Variants in DCC observed in about 807,000 individuals in gnomAD.
The protein encoded by DCC is DCC netrin 1 receptor.
Under a neutral mutation model 172.5 loss-of-function variants are expected in DCC, and 58 were observed. The observed-to-expected ratio is 0.34, with a 90% CI of 0.27 to 0.42. The LOEUF is 0.42. DCC is among the 10% of genes least tolerant of loss of function. The pLI is 1.00. For missense variants in DCC, 1,740 were observed against 1,791.0 expected (o/e 0.97, Z 0.51); for synonymous variants, 709 against 644.5 (o/e 1.10, Z -1.52).
chr18:53,135,389 TAAG>T (rs1044355020), intron 7 of DCC, among the ~76,000 whole-genome samples: 3 of 152,110 alleles, frequency 2.0e-5, no homozygotes, highest in African/African-American at 7.2e-5. Context: ...TTAAGGATAA[TAAG>T]GGAAAGAATG....
At chr18:52,816,854 TTTTA>T (rs2038309753) in intron 2 of DCC, 1 of 152,322 alleles carries the variant, frequency 6.6e-6, no homozygotes, top group African/African-American at 2.4e-5. Context: ...AATGAAAAGA[TTTTA>T]TTTAATTAAA....
intron 7 of DCC, among the ~76,000 whole-genome samples, chr18:53,125,857 T>C (rs1333192339): frequency 6.6e-6 from 1 of 152,124 alleles, no homozygotes; most frequent in Admixed American, 6.6e-5. Flanking sequence ...ATGGAGTTTG[T>C]GGATAATCTT....
At chr18:53,336,760 C>T (rs906906024) in intron 14 of DCC, among the ~76,000 whole-genome samples, 1 of 152,164 alleles carries the variant, frequency 6.6e-6, no homozygotes, top group Admixed American at 6.6e-5. Flanking sequence ...CCTGTAGTCC[C>T]AGCTACTAGG....
rs1384926114 is a variant in DCC, at chr18:52,862,109, A to C, written c.413-43935A>C. On this transcript the variant is annotated intron_variant, in intron 2 of 28. Transcript: ENST00000442544. The stretch of plus-strand genomic sequence containing the variant: ...AACACATTAATAACATGTTTATAGA[A>C]ATATAACTTGAATAAAGTTAACTCC... Among the ~76,000 whole-genome samples, 3 of 151,938 alleles carry C rather than the reference A, an allele frequency of 2.0e-5. No individual in the cohort carries two copies. In the East Asian group the frequency reaches 5.8e-4, roughly 29 times the overall value.
intron 19 of DCC, among the ~76,000 whole-genome samples, chr18:53,408,307 C>A (rs185876090): frequency 2.0e-5 from 3 of 152,270 alleles, no homozygotes; most frequent in Admixed American, 6.5e-5. Flanking sequence ...GGGTCTCTTA[C>A]AAGGCTGCAA....
intron 2 of DCC, among the ~76,000 whole-genome samples, chr18:52,904,426 G>A (rs1290180188): frequency 6.6e-6 from 1 of 152,194 alleles, no homozygotes; most frequent in Non-Finnish European, 1.5e-5. Context: ...CTTAGGGAGG[G>A]AAAGTGAAAT....
At position 52,461,978 on chromosome 18, in the gene DCC, T is replaced by C. The variant is rs148759563; in HGVS notation, c.91+121100T>C. Reference sequence around the variant, plus strand: ...TAACCTTCTCTGAGTTGGAGGAAACTCAGTCCTTTCAATTGCTTAGGGCAA... The same window carrying C: ...TAACCTTCTCTGAGTTGGAGGAAACCCAGTCCTTTCAATTGCTTAGGGCAA... On this transcript the variant is annotated intron_variant, in intron 1 of 28. Coordinates refer to ENST00000442544, the MANE Select transcript of DCC (RefSeq NM_005215.4). Among the ~76,000 whole-genome samples the C allele has an allele frequency of 3.3e-3, 498 of 152,308 alleles. 1 individual carries two copies. The highest frequency in any genetic ancestry group is 5.5e-3 in the Non-Finnish European group (377 of 68,030).
At chr18:53,000,301 A>C (rs1392919695) in intron 5 of DCC, among the ~76,000 whole-genome samples, 5 of 152,108 alleles carry the variant, frequency 3.3e-5, no homozygotes, top group Non-Finnish European at 5.9e-5. Flanking sequence ...ATCATATAGT[A>C]AGCGGTGCCC....
At chr18:53,010,367 G>T (rs2041709985) in intron 5 of DCC, among the ~76,000 whole-genome samples, 1 of 151,470 alleles carries the variant, frequency 6.6e-6, no homozygotes, top group South Asian at 2.1e-4. Flanking sequence ...CATTAGTCAA[G>T]ATAATTAATT....
intron 7 of DCC, among the ~76,000 whole-genome samples, chr18:53,122,129 T>A (rs1248742184): frequency 1.3e-5 from 2 of 152,024 alleles, no homozygotes; most frequent in Non-Finnish European, 2.9e-5. Flanking sequence ...TGACTGATTT[T>A]AAAATTTTCA....
chr18:52,391,073 T>C (rs1335162814), intron 1 of DCC, among the ~76,000 whole-genome samples: 1 of 152,122 alleles, frequency 6.6e-6, no homozygotes, highest in Non-Finnish European at 1.5e-5. Flanking sequence ...TCTACATTCA[T>C]GTATGCTGTC....
At chr18:52,847,831 A>G (rs543257982) in intron 2 of DCC, among the ~76,000 whole-genome samples, 1 of 152,294 alleles carries the variant, frequency 6.6e-6, no homozygotes, top group South Asian at 2.1e-4. Context: ...TAACTTAAGG[A>G]TTTATTAGCC....
Position 52,442,193 on chromosome 18 carries a change from G to A in DCC, c.91+101315G>A, listed in dbSNP as rs537277133. Among the ~76,000 whole-genome samples, 31 of 152,256 alleles carry A rather than the reference G, an allele frequency of 2.0e-4. No homozygotes were observed. In the South Asian group the frequency reaches 2.5e-3, roughly 12 times the overall value. On this transcript the variant is annotated intron_variant, in intron 1 of 28. Transcript: ENST00000442544. ...TCTCAGAGTGACATTCATAATCTAT[G>A]TTATAAAAAGAGACCTTCTCTAATT...
chr18:52,662,221 G>T (rs1407632189), intron 1 of DCC, among the ~76,000 whole-genome samples: 1 of 152,152 alleles, frequency 6.6e-6, no homozygotes, highest in East Asian at 1.9e-4. Context: ...CAAGTTACCG[G>T]ATAGATCCGA....
chr18:52,923,697 C>T lies in DCC; in HGVS notation c.698-10C>T, dbSNP rs1324728060. Reference sequence around the variant, plus strand: ...CATATATCATATGATACTGTGTTTTCCCCTCATAGATCCAGGACTGCATAG... The same window carrying T: ...CATATATCATATGATACTGTGTTTTTCCCTCATAGATCCAGGACTGCATAG... On this transcript the variant is annotated splice_polypyrimidine_tract_variant and intron_variant, in intron 3 of 28. Coordinates refer to ENST00000442544, the MANE Select transcript of DCC (RefSeq NM_005215.4). 1.3e-6 allele frequency: 2 copies of T among 1,589,642 alleles called. No homozygotes were observed. The highest frequency in any genetic ancestry group is 2.7e-5 in the African/African-American group (2 of 74,300).
intron 5 of DCC, among the ~76,000 whole-genome samples, chr18:53,062,916 G>C (rs2042515581): frequency 6.6e-6 from 1 of 151,974 alleles, no homozygotes; most frequent in South Asian, 2.1e-4. Context: ...TTATCCTCTG[G>C]GTTGTCTCAG....
At chr18:53,369,020 T>C (rs2058033346) in intron 15 of DCC, among the ~76,000 whole-genome samples, 1 of 152,002 alleles carries the variant, frequency 6.6e-6, no homozygotes, top group African/African-American at 2.4e-5. Context: ...GTAAAACACA[T>C]TGGGTTGTAC....
chr18:53,484,827 C>T (rs901906713), intron 25 of DCC, among the ~76,000 whole-genome samples: 1 of 151,308 alleles, frequency 6.6e-6, no homozygotes, highest in Admixed American at 6.6e-5. Context: ...TGAAGAATGC[C>T]ATTAGAATTT....
At chr18:53,448,047 G>GT (rs35238619) in intron 22 of DCC, among the ~76,000 whole-genome samples, 51,114 of 113,594 alleles carry the variant, frequency 0.45, 12,201 homozygotes, top group Non-Finnish European at 0.57. Flanking sequence ...ATTTTGATGA[G>GT]TTTTTTTTTT....
Sources: allele counts gnomAD v4.1 joint callset (sites outside exome capture counted in the v4.1 genomes callset), GRCh38; gene constraint gnomAD v4.1.1; transcripts MANE v1.5; gene names NCBI Gene and HGNC (gene_info 2026-07-23, HGNC 2026-07-21).